Variants in DHX57 observed in about 807,000 individuals in gnomAD.
DHX57 encodes putative ATP-dependent RNA helicase DHX57.
DHX57 carries 105 observed loss-of-function variants against 156.2 expected under a neutral mutation model. The observed-to-expected ratio is 0.67, with a 90% CI of 0.57 to 0.79. The LOEUF (loss-of-function observed/expected upper bound fraction) is 0.79, where lower values mean the gene tolerates loss of function less well. Ranked by LOEUF, DHX57 falls within the 30% of genes least tolerant of loss-of-function variation. DHX57 has a pLI of 0.00. For missense variants in DHX57, 1,847 were observed against 1,661.9 expected (o/e 1.11, Z -1.94); for synonymous variants, 704 against 595.6 (o/e 1.18, Z -2.65).
At chr2:38,850,850 A>G (rs1053759815) in intron 9 of DHX57, among the ~76,000 whole-genome samples, 4 of 152,088 alleles carry the variant, frequency 2.6e-5, no homozygotes, top group African/African-American at 9.7e-5. Context: ...CAAGGCGAGC[A>G]TATCACTTGA....
At chr2:38,816,564 G>A (rs73930366) in intron 19 of DHX57, among the ~76,000 whole-genome samples, 2,300 of 152,236 alleles carry the variant, frequency 0.015, 65 homozygotes, top group African/African-American at 0.053. Context: ...ACAAATGTGA[G>A]AAAGAAAGCA....
rs1436505622 is a variant in DHX57 at position 38,843,034 on chromosome 2, TCTAA to T, written c.2392_2395del (p.Leu798IlefsTer28). On this transcript the variant is annotated frameshift_variant, in exon 12 of 24. Transcript: ENST00000457308. LOFTEE classifies it high-confidence loss of function. ...ATAGCGGGCCAGGAGCTGCTTAAAATCTAACTGTTGATCTGGCACTGCATCTTTG... is the reference window on the plus strand; with the variant it reads ...ATAGCGGGCCAGGAGCTGCTTAAAATCTGTTGATCTGGCACTGCATCTTTG... The T allele has an allele frequency of 1.2e-6, 2 of 1,614,184 alleles. No individual in the cohort carries two copies. Among genetic ancestry groups the T allele is most frequent in the East Asian group, 2.2e-5 (1 of 44,892 alleles).
At chr2:38,830,069 C>T (rs766263861) in intron 13 of DHX57, among the ~76,000 whole-genome samples, 3 of 152,160 alleles carry the variant, frequency 2.0e-5, no homozygotes, top group Non-Finnish European at 2.9e-5. Flanking sequence ...CCCCTTTAAT[C>T]CCACAAATAT....
rs1189672947 is a variant in DHX57 at position 38,861,544 on chromosome 2, T to A, written c.866A>T (p.Lys289Met). 1.2e-6 allele frequency: 2 copies of A among 1,614,206 alleles called. No homozygotes were observed. The highest frequency in any genetic ancestry group is 3.3e-5 in the Admixed American group (2 of 60,022). Residue 289 changes from lysine to methionine, a missense_variant, in exon 5 of 24, where the codon AAG becomes ATG. Lys to Met is a moderately conservative substitution (Grantham distance 95). Transcript: ENST00000457308. ...TACATTTTTGGTACTTTCTTTTGGC[T>A]TGGATTTGCGGAATCTACTTGTCAG... ...EYLTSRFRKSKPKESTKNVQE... is the reference protein window; with the variant it reads ...EYLTSRFRKSMPKESTKNVQE...
At chr2:38,843,724 G>A (rs1292783819) in intron 11 of DHX57, among the ~76,000 whole-genome samples, 1 of 152,196 alleles carries the variant, frequency 6.6e-6, no homozygotes, top group Non-Finnish European at 1.5e-5. Flanking sequence ...TGGCAAAGCA[G>A]AAAAATGAAT....
chr2:38,828,936 T>C (rs1016284399), intron 13 of DHX57, among the ~76,000 whole-genome samples: 3 of 152,120 alleles, frequency 2.0e-5, no homozygotes, highest in African/African-American at 7.2e-5. Context: ...TAAGCTCTTT[T>C]TTTATTTTAA....
chr2:38,872,998 T>G (rs892125891), intron 1 of DHX57, among the ~76,000 whole-genome samples: 1 of 152,126 alleles, frequency 6.6e-6, no homozygotes. Context: ...ATACATTTTT[T>G]TTTTTTTAAG....
At chr2:38,870,140 G>T (rs1020359456) in intron 1 of DHX57, among the ~76,000 whole-genome samples, 1 of 152,082 alleles carries the variant, frequency 6.6e-6, no homozygotes, top group Non-Finnish European at 1.5e-5. Context: ...CTTGAAGACA[G>T]ACTGACATTG....
At chr2:38,798,664 G>C (rs1669509681) in intron 23 of DHX57, among the ~76,000 whole-genome samples, 1 of 152,190 alleles carries the variant, frequency 6.6e-6, no homozygotes, top group Non-Finnish European at 1.5e-5. Flanking sequence ...AAAAGATTCG[G>C]GCCAGGCGCA....
chr2:38,856,637 G>T (rs1672915504), intron 6 of DHX57, 176 bp from the exon 7 acceptor site: 2 of 721,364 alleles, frequency 2.8e-6, no homozygotes, highest in African/African-American at 3.6e-5. Context: ...CCAAGTAGCT[G>T]GGACTACAGG....
intron 19 of DHX57, 34 bp from the exon 20 acceptor site, chr2:38,815,689 A>G (rs759693004): frequency 6.2e-7 from 1 of 1,613,618 alleles, no homozygotes; most frequent in South Asian, 1.1e-5. Flanking sequence ...AAGCAAGGGC[A>G]TCAGCATAAC....
At chr2:38,814,169 C>T (rs2148544892) in intron 20 of DHX57, among the ~76,000 whole-genome samples, 1 of 152,204 alleles carries the variant, frequency 6.6e-6, no homozygotes, top group Admixed American at 6.5e-5. Flanking sequence ...AACTCTGGAC[C>T]TCAAGCAATC....
At chr2:38,863,718 T>C (rs1664889911) in intron 2 of DHX57, among the ~76,000 whole-genome samples, 199 bp from the exon 3 acceptor site, 1 of 152,144 alleles carries the variant, frequency 6.6e-6, no homozygotes, top group African/African-American at 2.4e-5. Context: ...GAAAAAAACC[T>C]TATCAGATTC....
intron 16 of DHX57, among the ~76,000 whole-genome samples, chr2:38,825,535 T>G (rs1424318921): frequency 6.6e-6 from 1 of 152,152 alleles, no homozygotes; most frequent in Non-Finnish European, 1.5e-5. Flanking sequence ...ACTCCTGACC[T>G]CAGGTGATCC....
intron 9 of DHX57, among the ~76,000 whole-genome samples, chr2:38,852,782 A>G (rs532299806): frequency 2.6e-5 from 4 of 151,446 alleles, no homozygotes; most frequent in Middle Eastern, 3.4e-3. Flanking sequence ...GTCTGGCAAG[A>G]ATTTTTATTT....
In DHX57 at chr2:38,868,296, C is replaced by T; in HGVS notation, c.110G>A (p.Gly37Asp). The T allele has an allele frequency of 6.2e-7, 1 of 1,614,092 alleles. No homozygotes were observed. The highest frequency in any genetic ancestry group is 8.5e-7 in the Non-Finnish European group (1 of 1,180,040). The change falls in exon 2 of 24, where the codon GGT becomes GAT. Residue 37 changes from glycine to aspartate, a missense_variant. By Grantham distance (94) the Gly-to-Asp change is moderately conservative. Coordinates refer to ENST00000457308, the MANE Select transcript of DHX57 (RefSeq NM_198963.3). Reference sequence around the variant, plus strand: ...ACCACCACCACCACCGCCACCGCCACCACTCCCATGAGATTTACTGGCGTG... The same window carrying T: ...ACCACCACCACCACCGCCACCGCCATCACTCCCATGAGATTTACTGGCGTG... ...RSHASKSHGS[G>D]GGGGGGGGGG...
rs1046368710 is a variant in DHX57 at position 38,814,753 on chromosome 2, G to A, written c.3606+768C>T. On this transcript the variant is annotated intron_variant, in intron 20 of 23. Coordinates refer to ENST00000457308, the MANE Select transcript of DHX57 (RefSeq NM_198963.3). ...GTTTTTTTTTTTGAGACAGAGTTTC[G>A]CTCTTGCTGCCCAGGCTGGAGTGCA... is the stretch of plus-strand genomic sequence containing the variant. Among the ~76,000 whole-genome samples the A allele has an allele frequency of 4.6e-5, 7 of 151,148 alleles. No individual in the cohort carries two copies. In the South Asian group the frequency reaches 1.3e-3, roughly 27 times the overall value.
At position 38,858,745 on chromosome 2, in the gene DHX57, T is replaced by C. The variant is rs1275809145; in HGVS notation, c.1503A>G (p.Lys501=). ...GCCAGTCATATCTTTTGGAAATCTT[T>C]TTCTTAAGGTTCACATAGCTTTCAT... ...VENESYVNLK[K]KISKRYDWQA... is the part of the protein sequence containing the mutation. Residue 501 remains lysine, a synonymous_variant, in exon 6 of 24, where the codon AAA becomes AAG. Coordinates refer to ENST00000457308, the MANE Select transcript of DHX57 (RefSeq NM_198963.3). 1 of 1,614,034 alleles carries C rather than the reference T, an allele frequency of 6.2e-7. No individual in the cohort carries two copies. The highest frequency in any genetic ancestry group is 1.3e-5 in the African/African-American group (1 of 74,940).
At chr2:38,847,094 A>G in intron 10 of DHX57, 21 bp from the exon 11 acceptor site, 2 of 1,606,666 alleles carry the variant, frequency 1.2e-6, no homozygotes, top group Non-Finnish European at 1.7e-6. Flanking sequence ...AAGGAGACAA[A>G]ATAGAAAGCC....
Sources: gnomAD v4.1 joint callset for allele counts (sites outside exome capture counted in the v4.1 genomes callset) on GRCh38, gnomAD v4.1.1 for gene constraint, MANE v1.5 for transcripts, NCBI Gene and HGNC (gene_info 2026-07-23, HGNC 2026-07-21) for gene names.